Variants in RASA3 observed in about 807,000 individuals in gnomAD.
The protein encoded by RASA3 is ras GTPase-activating protein 3.
A neutral mutation model predicts 110.0 loss-of-function variants in RASA3; 73 were observed. That is an observed-to-expected ratio of 0.66 (90% CI 0.55 to 0.81). The LOEUF is 0.81. RASA3 is among the 30% of genes least tolerant of loss of function. RASA3 has a pLI of 0.00. For synonymous variants in RASA3, 500 were observed against 451.4 expected (o/e 1.11, Z -1.37); for missense variants, 976 against 1,113.2 (o/e 0.88, Z 1.75).
intron 2 of RASA3, among the ~76,000 whole-genome samples, chr13:114,066,189 A>G (rs2079446358): frequency 6.7e-6 from 1 of 150,290 alleles, no homozygotes; most frequent in Admixed American, 6.6e-5. Flanking sequence ...AAGAACCACC[A>G]TCCTTACAAA....
rs141904749 is a variant in RASA3 at position 114,109,997 on chromosome 13, G to A, written c.55+22438C>T. 3.1e-3 allele frequency among the ~76,000 whole-genome samples: 466 copies of A among 152,326 alleles called. 1 individual carries two copies. Among genetic ancestry groups the A allele is most frequent in the African/African-American group, 0.011 (439 of 41,578 alleles). Reference sequence around the variant, plus strand: ...CAGCTGCACCCTCAGGGCAACGAGCGTCTGGCGGAGCCCAGTGAGAGCCGT... The same window carrying A: ...CAGCTGCACCCTCAGGGCAACGAGCATCTGGCGGAGCCCAGTGAGAGCCGT... On this transcript the variant is annotated intron_variant, in intron 1 of 23. Transcript: ENST00000334062.
Position 114,027,459 on chromosome 13 carries a change from G to C in RASA3, c.533C>G (p.Ser178Ter). The change falls in exon 7 of 24, where the codon TCA becomes TGA. Residue 178 changes from serine to a stop codon, truncating the protein, a stop_gained and splice_region_variant. Coordinates refer to ENST00000334062, the MANE Select transcript of RASA3 (RefSeq NM_007368.4). LOFTEE classifies it high-confidence loss of function. ...ATVTLAGPFR[S>*]EAKKTKVKRK... ...CTTCACTTTCGTCTTCTTTGCTTCT[G>C]ATCTGTTATCAAGTGAGAAAGGATT... 1 of 1,609,582 alleles carries C rather than the reference G, an allele frequency of 6.2e-7. No homozygotes were observed. The highest frequency in any genetic ancestry group is 8.5e-7 in the Non-Finnish European group (1 of 1,176,000).
chr13:113,981,341 C>A (rs1452058675), intron 23 of RASA3, among the ~76,000 whole-genome samples: 2 of 152,220 alleles, frequency 1.3e-5, no homozygotes, highest in Admixed American at 6.5e-5. Context: ...GCCACTGAAC[C>A]AAGGCAGAAC....
chr13:114,094,491 G>A (rs956244723), intron 1 of RASA3, among the ~76,000 whole-genome samples: 1 of 152,212 alleles, frequency 6.6e-6, no homozygotes, highest in African/African-American at 2.4e-5. Flanking sequence ...TGATTACAAA[G>A]TGTTGAAACT....
intron 4 of RASA3, among the ~76,000 whole-genome samples, chr13:114,034,437 T>C (rs1366466254): frequency 1.3e-5 from 2 of 151,950 alleles, no homozygotes; most frequent in South Asian, 2.1e-4. Flanking sequence ...TCCCGGCCCC[T>C]GGCAGCAGGC....
intron 2 of RASA3, among the ~76,000 whole-genome samples, chr13:114,052,920 C>G (rs1164239703): frequency 7.6e-6 from 1 of 132,422 alleles, no homozygotes; most frequent in African/African-American, 2.8e-5. Context: ...GGGAGAGACC[C>G]CCGCTGCTGA....
intron 9 of RASA3, among the ~76,000 whole-genome samples, chr13:114,019,220 T>G (rs947059582): frequency 5.9e-5 from 9 of 152,172 alleles, no homozygotes; most frequent in Non-Finnish European, 1.2e-4. Context: ...AAGTGGTCAG[T>G]GACCCGCCCT....
intron 3 of RASA3, among the ~76,000 whole-genome samples, chr13:114,045,030 G>T (rs1433416631): frequency 6.6e-6 from 1 of 152,056 alleles, no homozygotes; most frequent in Non-Finnish European, 1.5e-5. Context: ...CTTCGAGAAG[G>T]GATCCCTGCC....
chr13:114,129,638 CT>C (rs1265145126), intron 1 of RASA3, among the ~76,000 whole-genome samples: 1 of 152,170 alleles, frequency 6.6e-6, no homozygotes, highest in Non-Finnish European at 1.5e-5. Flanking sequence ...AGCAGAATTG[CT>C]TATGGTATAA....
intron 22 of RASA3, among the ~76,000 whole-genome samples, chr13:113,990,188 T>C (rs1213680028): frequency 6.6e-6 from 1 of 152,150 alleles, no homozygotes; most frequent in Non-Finnish European, 1.5e-5. Context: ...CTGTACAGCC[T>C]GCAGAACTGT....
At chr13:114,036,343 A>G (rs1419362262) in intron 4 of RASA3, 3 of 152,182 alleles carry the variant, frequency 2.0e-5, no homozygotes, top group African/African-American at 7.2e-5. Flanking sequence ...CATTTCTGTG[A>G]CTCACTTGCT....
intron 23 of RASA3, among the ~76,000 whole-genome samples, chr13:113,979,919 C>T (rs1306053809): frequency 6.8e-6 from 1 of 147,968 alleles, no homozygotes; most frequent in African/African-American, 2.5e-5. Flanking sequence ...CTCCTACGTG[C>T]CTACCACCTC....
chr13:114,078,206 G>A (rs1326075841), intron 1 of RASA3, among the ~76,000 whole-genome samples: 1 of 152,234 alleles, frequency 6.6e-6, no homozygotes, highest in African/African-American at 2.4e-5. Context: ...AGCTGAGCGG[G>A]ACGGGGGCTG....
At chr13:113,999,510 C>G (rs2053333494) in intron 20 of RASA3, 75 bp downstream of exon 20, 2 of 1,221,838 alleles carry the variant, frequency 1.6e-6, no homozygotes. Flanking sequence ...AGCCCAGGGC[C>G]AGGTACGGGA....
At chr13:113,993,806 TAA>T (rs35450759) in intron 21 of RASA3, among the ~76,000 whole-genome samples, 3 of 85,588 alleles carry the variant, frequency 3.5e-5, no homozygotes, top group African/African-American at 4.6e-5. Context: ...AGACTCTGCC[TAA>T]AAAAAAAAAA....
intron 14 of RASA3, among the ~76,000 whole-genome samples, chr13:114,013,952 GTCTCTCTCTCTCTCTCT>G: frequency 9.2e-6 from 1 of 108,112 alleles, no homozygotes; most frequent in Non-Finnish European, 1.9e-5. Context: ...CTATCTCTCT[GTCTCTCTCTCTCTCTCT>G]CCGTCTCGAT....
intron 2 of RASA3, among the ~76,000 whole-genome samples, chr13:114,069,213 T>C (rs1036924404): frequency 1.3e-5 from 2 of 152,064 alleles, no homozygotes; most frequent in South Asian, 2.1e-4. Context: ...GACGGCGATA[T>C]TGGGCAACAG....
At position 114,062,714 on chromosome 13, in the gene RASA3, G is replaced by A. The variant is rs531901290; in HGVS notation, c.174-10559C>T. Among the ~76,000 whole-genome samples the A allele has an allele frequency of 3.0e-4, 46 of 152,204 alleles. No homozygotes were observed. The South Asian group carries it at 9.3e-3, about 31-fold the overall frequency. On this transcript the variant is annotated intron_variant, in intron 2 of 23. Transcript: ENST00000334062. ...ACACGCGTGCTCACAGCCCACGTTC[G>A]CACGCAGACTCAGACATGCGTGCTC...
At chr13:114,042,193 C>T (rs1356133347) in intron 3 of RASA3, among the ~76,000 whole-genome samples, 1 of 152,272 alleles carries the variant, frequency 6.6e-6, no homozygotes, top group Admixed American at 6.5e-5. Flanking sequence ...CCATCCCCGG[C>T]AGGACAGGGC....
Sources: allele counts gnomAD v4.1 joint callset (sites outside exome capture counted in the v4.1 genomes callset), GRCh38; gene constraint gnomAD v4.1.1; transcripts MANE v1.5; gene names NCBI Gene and HGNC (gene_info 2026-07-23, HGNC 2026-07-21).